The following KCNIP3 variants were observed in gnomAD, a reference collection of about 807,000 sequenced individuals.
The protein encoded by KCNIP3 is calsenilin.
A neutral mutation model predicts 35.0 loss-of-function variants in KCNIP3; 28 were observed. The ratio of observed to expected loss-of-function variants is 0.80; its 90% CI spans 0.59 to 1.10. KCNIP3 has a LOEUF of 1.10. Ranked by LOEUF, KCNIP3 falls within the 50% of genes least tolerant of loss-of-function variation. The pLI is 0.00. For synonymous variants in KCNIP3, 134 were observed against 133.8 expected (o/e 1.00, Z -0.01); for missense variants, 295 against 338.4 (o/e 0.87, Z 1.01).
At chr2:95,346,704 C>G (rs1005837024) in intron 2 of KCNIP3, 3 of 147,528 alleles carry the variant, frequency 2.0e-5, no homozygotes, top group African/African-American at 7.4e-5. Context: ...CTGGCCCGCG[C>G]TGGCCGTCCG....
intron 1 of KCNIP3, 68 bp from the exon 2 acceptor site, chr2:95,310,287 C>A: frequency 6.3e-7 from 1 of 1,586,860 alleles, no homozygotes; most frequent in South Asian, 1.1e-5. Flanking sequence ...ATCAGGGCAG[C>A]TCGGGACCAT....
At chr2:95,324,719 T>C (rs922050484) in intron 2 of KCNIP3, among the ~76,000 whole-genome samples, 4 of 151,906 alleles carry the variant, frequency 2.6e-5, no homozygotes, top group African/African-American at 9.7e-5. Flanking sequence ...GAGACCAGCC[T>C]GGCCAATATG....
At chr2:95,304,212 T>C (rs1398147745) in intron 1 of KCNIP3, among the ~76,000 whole-genome samples, 3 of 152,256 alleles carry the variant, frequency 2.0e-5, no homozygotes, top group Non-Finnish European at 2.9e-5. Flanking sequence ...ACCTGTGCTA[T>C]TGTTTCTTAT....
At chr2:95,357,016 C>G (rs72946017) in intron 2 of KCNIP3, among the ~76,000 whole-genome samples, 2 of 152,098 alleles carry the variant, frequency 1.3e-5, no homozygotes, top group Non-Finnish European at 2.9e-5. Flanking sequence ...TGCTCGCCGG[C>G]GTGGGTGGCC....
At chr2:95,381,874 C>T (rs1447178537) in intron 6 of KCNIP3, among the ~76,000 whole-genome samples, 171 bp downstream of exon 6, 1 of 152,174 alleles carries the variant, frequency 6.6e-6, no homozygotes, top group Non-Finnish European at 1.5e-5. Flanking sequence ...TGGGCTCGGT[C>T]CTGGACACCC....
chr2:95,337,080 C>A (rs1202236357), intron 2 of KCNIP3, among the ~76,000 whole-genome samples: 1 of 152,208 alleles, frequency 6.6e-6, no homozygotes, highest in South Asian at 2.1e-4. Context: ...CCTTTCCAGA[C>A]CCCCATCATC....
intron 2 of KCNIP3, among the ~76,000 whole-genome samples, chr2:95,344,276 G>GT (rs935235984): frequency 6.6e-6 from 1 of 151,530 alleles, no homozygotes; most frequent in Non-Finnish European, 1.5e-5. Flanking sequence ...TGGCGGGGTG[G>GT]GGGGGGGCAC....
chr2:95,336,505 G>T (rs1030629029), intron 2 of KCNIP3, among the ~76,000 whole-genome samples: 2 of 151,842 alleles, frequency 1.3e-5, no homozygotes, highest in Admixed American at 6.6e-5. Context: ...GTCCTTATCT[G>T]CTTACTTAAA....
chr2:95,302,237 G>GC (rs1486119861), intron 1 of KCNIP3, among the ~76,000 whole-genome samples: 1 of 152,218 alleles, frequency 6.6e-6, no homozygotes, highest in Non-Finnish European at 1.5e-5. Context: ...TCTCATGCTG[G>GC]CCCTGGCCTC....
rs1427360259 is a variant in KCNIP3, at chr2:95,375,155, C to T, written c.394C>T (p.His132Tyr). The T allele has an allele frequency of 1.9e-6, 3 of 1,614,088 alleles. No individual in the cohort carries two copies. Among genetic ancestry groups the T allele is most frequent in the Non-Finnish European group, 2.5e-6 (3 of 1,180,030 alleles). The change falls in exon 5 of 9, where the codon CAC becomes TAC. Residue 132 changes from histidine to tyrosine, a missense_variant. Transcript: ENST00000295225. ...FPQGDATTYA[H>Y]FLFNAFDADG... ...CTCCCCAGATGCCACCACCTATGCA[C>T]ACTTCCTCTTCAACGCCTTTGATGC...
chr2:95,297,616 G>A (rs543947131), intron 1 of KCNIP3, among the ~76,000 whole-genome samples, 163 bp downstream of exon 1: 4 of 152,076 alleles, frequency 2.6e-5, no homozygotes, highest in East Asian at 1.9e-4. Context: ...CCTGGCTGGC[G>A]CTGGGGTGTC....
intron 3 of KCNIP3, 107 bp from the exon 4 acceptor site, chr2:95,374,741 C>G (rs1338260222): frequency 7.7e-7 from 1 of 1,306,848 alleles, no homozygotes; most frequent in Non-Finnish European, 1.1e-6. Flanking sequence ...GTGCCACAGG[C>G]AGCAGGCAGC....
chr2:95,374,047 G>A (rs918403642), intron 2 of KCNIP3, among the ~76,000 whole-genome samples: 3 of 152,244 alleles, frequency 2.0e-5, no homozygotes, highest in African/African-American at 7.2e-5. Context: ...GGCTGACAGG[G>A]GGGCACACTG....
chr2:95,325,359 G>A lies in KCNIP3; in HGVS notation c.181+14839G>A, dbSNP rs1213424996. On this transcript the variant is annotated intron_variant, in intron 2 of 8. Transcript: ENST00000295225. ...CTCAGCCCAGCAGGAGGGCGGGTGC[G>A]GAAACCTGTGCCCGCCTCTGAGCCT... 3.3e-5 allele frequency among the ~76,000 whole-genome samples: 5 copies of A among 152,278 alleles called. No individual in the cohort carries two copies. In the South Asian group the frequency reaches 6.2e-4, roughly 19 times the overall value.
At chr2:95,360,323 C>T (rs937264772) in intron 2 of KCNIP3, among the ~76,000 whole-genome samples, 1 of 152,178 alleles carries the variant, frequency 6.6e-6, no homozygotes. Flanking sequence ...CCTCAATTCC[C>T]TCTGAGACCT....
chr2:95,315,327 G>A (rs189716372), intron 2 of KCNIP3, among the ~76,000 whole-genome samples: 2 of 152,222 alleles, frequency 1.3e-5, no homozygotes, highest in Non-Finnish European at 2.9e-5. Context: ...TTGAATCTAC[G>A]GTGTTTCGTT....
At chr2:95,297,493 TCGG>T in intron 1 of KCNIP3, 40 bp downstream of exon 1, 1 of 155,492 alleles carries the variant, frequency 6.4e-6, no homozygotes, top group African/African-American at 2.2e-4. Flanking sequence ...TGGAGGGGGG[TCGG>T]GGGGAGGAAT....
intron 5 of KCNIP3, 126 bp downstream of exon 5, chr2:95,375,334 C>T (rs1247274608): frequency 2.3e-6 from 2 of 872,698 alleles, no homozygotes; most frequent in Non-Finnish European, 3.6e-6. Flanking sequence ...TCTTGTGAGT[C>T]ACCCTGGGAA....
intron 2 of KCNIP3, among the ~76,000 whole-genome samples, chr2:95,346,114 G>A (rs1309222027): frequency 1.3e-5 from 2 of 152,238 alleles, no homozygotes; most frequent in Non-Finnish European, 2.9e-5. Context: ...GAGAACTTTG[G>A]AGACCAACTT....
Sources: allele counts gnomAD v4.1 joint callset (sites outside exome capture counted in the v4.1 genomes callset), GRCh38; gene constraint gnomAD v4.1.1; transcripts MANE v1.5; gene names NCBI Gene and HGNC (gene_info 2026-07-23, HGNC 2026-07-21).